SPSB4: variants seen among roughly 807,000 people sequenced by gnomAD.
SPSB4 encodes splA/ryanodine receptor domain and SOCS box containing 4, also known as SPRY domain-containing SOCS box protein 4.
Under a neutral mutation model 20.9 loss-of-function variants are expected in SPSB4, and 21 were observed. That is an observed-to-expected ratio of 1.01 (90% CI 0.71 to 1.45). The LOEUF is 1.45. SPSB4 is among the 40% of genes most tolerant of loss of function. The probability of loss-of-function intolerance (pLI) is 0.00; values close to 1 mark genes in which losing one functional copy is unlikely to be tolerated. For missense variants in SPSB4, 399 were observed against 399.2 expected (o/e 1.00, Z 0.00); for synonymous variants, 207 against 183.8 (o/e 1.13, Z -1.02).
At chr3:141,062,207 G>A (rs1018447956) in intron 1 of SPSB4, among the ~76,000 whole-genome samples, 4 of 152,214 alleles carry the variant, frequency 2.6e-5, no homozygotes, top group Admixed American at 2.6e-4. Context: ...TTTGTCCTTT[G>A]TTTTTCTCAT....
At chr3:141,101,218 C>T (rs1218754435) in intron 2 of SPSB4, among the ~76,000 whole-genome samples, 1 of 152,234 alleles carries the variant, frequency 6.6e-6, no homozygotes, top group African/African-American at 2.4e-5. Flanking sequence ...GACACTGCCA[C>T]AGCTCTCACC....
chr3:141,081,119 A>G (rs1394956104), intron 2 of SPSB4, among the ~76,000 whole-genome samples: 1 of 152,138 alleles, frequency 6.6e-6, no homozygotes, highest in African/African-American at 2.4e-5. Flanking sequence ...AACACTTTAC[A>G]CTGTGGTGCT....
intron 1 of SPSB4, among the ~76,000 whole-genome samples, chr3:141,052,225 C>T (rs1936106391): frequency 6.6e-6 from 1 of 152,202 alleles, no homozygotes. Flanking sequence ...TGCTTCTCTG[C>T]GTAGCGGACA....
At chr3:141,090,393 G>A (rs6788334) in intron 2 of SPSB4, among the ~76,000 whole-genome samples, 20 of 151,942 alleles carry the variant, frequency 1.3e-4, no homozygotes, top group Non-Finnish European at 1.6e-4. Flanking sequence ...TGATAAGTAC[G>A]GTGGAGAAAA....
rs538431857 is a variant in SPSB4, at chr3:141,079,559, C to T, written c.694+12761C>T. On this transcript the variant is annotated intron_variant, in intron 2 of 2. Coordinates refer to ENST00000310546, the MANE Select transcript of SPSB4 (RefSeq NM_080862.3). ...AAGCAGCGTGGGGAGGGCAGTGACACCCAGGCATCTATCCCTGCACCAGTG... is the reference window on the plus strand; with the variant it reads ...AAGCAGCGTGGGGAGGGCAGTGACATCCAGGCATCTATCCCTGCACCAGTG... Among the ~76,000 whole-genome samples, 14 of 152,266 alleles carry T rather than the reference C, an allele frequency of 9.2e-5. No homozygotes were observed. The South Asian group carries it at 2.5e-3, about 27-fold the overall frequency.
At chr3:141,134,059 T>TC (rs1196454723) in intron 2 of SPSB4, among the ~76,000 whole-genome samples, 2 of 140,906 alleles carry the variant, frequency 1.4e-5, no homozygotes, top group East Asian at 2.0e-4. Context: ...CTTTTTTCTT[T>TC]TTTTTTTTTT....
chr3:141,080,695 C>T (rs1409463693), intron 2 of SPSB4, among the ~76,000 whole-genome samples: 3 of 152,214 alleles, frequency 2.0e-5, no homozygotes, highest in Non-Finnish European at 4.4e-5. Flanking sequence ...CCATGCTGCG[C>T]AAGCCACCCA....
At chr3:141,097,673 G>C (rs73871714) in intron 2 of SPSB4, among the ~76,000 whole-genome samples, 1,623 of 152,202 alleles carry the variant, frequency 0.011, 34 homozygotes, top group African/African-American at 0.037. Flanking sequence ...TGTTCAGTGA[G>C]GAGGAATGGT....
intron 2 of SPSB4, among the ~76,000 whole-genome samples, chr3:141,128,392 G>A (rs1371402885): frequency 6.6e-6 from 1 of 152,184 alleles, no homozygotes; most frequent in East Asian, 1.9e-4. Context: ...CTGGGCCAGT[G>A]GTCAGTGGAT....
chr3:141,094,420 A>G (rs1317251868), intron 2 of SPSB4, among the ~76,000 whole-genome samples: 4 of 152,108 alleles, frequency 2.6e-5, no homozygotes, highest in Admixed American at 6.5e-5. Context: ...TCTCCAGGTG[A>G]CCACGGGGAG....
chr3:141,142,905 C>T (rs1156984360), intron 2 of SPSB4, among the ~76,000 whole-genome samples: 1 of 147,804 alleles, frequency 6.8e-6, no homozygotes, highest in African/African-American at 2.5e-5. Context: ...CAAGTTCCAC[C>T]TCCCAGGTTC....
At chr3:141,058,732 A>C (rs953546040) in intron 1 of SPSB4, among the ~76,000 whole-genome samples, 3 of 152,128 alleles carry the variant, frequency 2.0e-5, no homozygotes, top group Non-Finnish European at 4.4e-5. Flanking sequence ...CATTTTTTGA[A>C]CGAATAAATG....
chr3:141,109,506 C>A (rs897297764), intron 2 of SPSB4, among the ~76,000 whole-genome samples: 11 of 152,064 alleles, frequency 7.2e-5, no homozygotes, highest in African/African-American at 2.4e-4. Flanking sequence ...ACTTCCTTGC[C>A]AGCGGTCCTC....
chr3:141,063,284 T>C (rs1205784675), intron 1 of SPSB4, among the ~76,000 whole-genome samples: 2 of 152,220 alleles, frequency 1.3e-5, no homozygotes, highest in African/African-American at 4.8e-5. Context: ...ATGTAGCATA[T>C]GGTTGGGGGT....
At chr3:141,065,870 C>T in intron 1 of SPSB4, 82 bp from the exon 2 acceptor site, 1 of 498,750 alleles carries the variant, frequency 2.0e-6, no homozygotes, top group Non-Finnish European at 3.5e-6. Flanking sequence ...AAGGGCTCAG[C>T]CAAGGCATGG....
intron 2 of SPSB4, among the ~76,000 whole-genome samples, chr3:141,124,512 C>T (rs1009298379): frequency 6.6e-6 from 1 of 152,180 alleles, no homozygotes; most frequent in Non-Finnish European, 1.5e-5. Flanking sequence ...GGGCTCACAG[C>T]AGCAGGTGTG....
chr3:141,112,632 G>A (rs111611697), intron 2 of SPSB4, among the ~76,000 whole-genome samples: 10,573 of 100,064 alleles, frequency 0.11, 514 homozygotes, highest in Middle Eastern at 0.18. Context: ...GCGACAGAGC[G>A]AGACTCCGTC....
At chr3:141,073,396 A>G (rs1456771979) in intron 2 of SPSB4, among the ~76,000 whole-genome samples, 1 of 152,196 alleles carries the variant, frequency 6.6e-6, no homozygotes, top group African/African-American at 2.4e-5. Flanking sequence ...TTTAAAATTT[A>G]TTAATTTGAT....
At chr3:141,136,227 T>G (rs1362694931) in intron 2 of SPSB4, among the ~76,000 whole-genome samples, 1 of 152,242 alleles carries the variant, frequency 6.6e-6, no homozygotes, top group Non-Finnish European at 1.5e-5. Flanking sequence ...TCTTTGTAGA[T>G]TCTGGTTATT....
Sources: gnomAD v4.1 joint callset for allele counts (sites outside exome capture counted in the v4.1 genomes callset) on GRCh38, gnomAD v4.1.1 for gene constraint, MANE v1.5 for transcripts, NCBI Gene and HGNC (gene_info 2026-07-23, HGNC 2026-07-21) for gene names.